RIMS1: variants seen among roughly 807,000 people sequenced by gnomAD.
RIMS1 encodes regulating synaptic membrane exocytosis protein 1.
Under a neutral mutation model 214.1 loss-of-function variants are expected in RIMS1, and 83 were observed. The observed-to-expected ratio is 0.39, with a 90% confidence interval of 0.32 to 0.47. RIMS1 has a LOEUF of 0.47. RIMS1 is among the 20% of genes least tolerant of loss of function. The pLI is 0.99. For synonymous variants in RIMS1, 793 were observed against 786.8 expected, an observed-to-expected ratio of 1.01 and a Z score of -0.13; for missense variants, 2,050 against 2,161.8, an observed-to-expected ratio of 0.95 and a Z score of 1.03.
intron 27 of RIMS1, among the ~76,000 whole-genome samples, chr6:72,311,814 A>C (rs2095526103): frequency 6.6e-6 from 1 of 152,136 alleles, no homozygotes; most frequent in Non-Finnish European, 1.5e-5. Flanking sequence ...CTACTAAAAT[A>C]CAAAAAACTA....
intron 4 of RIMS1, among the ~76,000 whole-genome samples, chr6:72,111,510 C>A (rs1211687183): frequency 6.6e-6 from 1 of 152,124 alleles, no homozygotes; most frequent in South Asian, 2.1e-4. Context: ...TCTTGTAATA[C>A]TGTATAATAT....
chr6:72,163,899 C>G (rs1273318253), intron 4 of RIMS1, among the ~76,000 whole-genome samples: 1 of 152,134 alleles, frequency 6.6e-6, no homozygotes, highest in African/African-American at 2.4e-5. Context: ...GCTGGGAGAA[C>G]CAATACTGTC....
At chr6:72,139,648 G>A (rs1307096574) in intron 4 of RIMS1, among the ~76,000 whole-genome samples, 5 of 152,070 alleles carry the variant, frequency 3.3e-5, no homozygotes, top group Non-Finnish European at 7.4e-5. Flanking sequence ...TATGTGGATG[G>A]ACTAAATTAT....
chr6:72,196,306 A>C (rs1258318916), intron 6 of RIMS1, among the ~76,000 whole-genome samples: 1 of 152,034 alleles, frequency 6.6e-6, no homozygotes, highest in Non-Finnish European at 1.5e-5. Context: ...TCTTCTAGCT[A>C]GTCAATTGAA....
chr6:72,204,201 G>A (rs2052519002), intron 6 of RIMS1, among the ~76,000 whole-genome samples: 1 of 152,196 alleles, frequency 6.6e-6, no homozygotes, highest in Non-Finnish European at 1.5e-5. Context: ...ATTTGGAACA[G>A]AAACTGAAAG....
In RIMS1 at chr6:72,398,357, A is replaced by G. The variant is rs1248653335; in HGVS notation, c.4720+7A>G. ...GGTTCCAAATCTACACCTGGTAAGG[A>G]GAAGTATTCCTGAATTTGGTGAAGG... On this transcript the variant is annotated splice_region_variant and intron_variant, in intron 32 of 33. Coordinates refer to ENST00000521978, the MANE Select transcript of RIMS1 (RefSeq NM_014989.7). 6.4e-7 allele frequency: 1 copy of G among 1,563,032 alleles called. No homozygotes were observed. The highest frequency in any genetic ancestry group is 1.8e-5 in the Admixed American group (1 of 56,132).
chr6:72,177,301 G>A (rs568157799), intron 4 of RIMS1, among the ~76,000 whole-genome samples: 6 of 152,234 alleles, frequency 3.9e-5, no homozygotes, highest in South Asian at 2.1e-4. Context: ...GTCCAGGCTG[G>A]AGAACAGTGG....
chr6:72,216,450 C>A, intron 6 of RIMS1: 2 of 985,450 alleles, frequency 2.0e-6, no homozygotes, highest in Non-Finnish European at 2.4e-6. Context: ...CCAGAAAAGC[C>A]TGAAGAAGCA....
intron 28 of RIMS1, among the ~76,000 whole-genome samples, chr6:72,321,742 G>A (rs1347560899): frequency 6.6e-6 from 1 of 151,836 alleles, no homozygotes; most frequent in Non-Finnish European, 1.5e-5. Context: ...TATACTGCAG[G>A]CCTTTGGAGG....
intron 4 of RIMS1, among the ~76,000 whole-genome samples, chr6:72,162,820 A>G (rs2153936746): frequency 7.2e-6 from 1 of 139,040 alleles, no homozygotes; most frequent in African/African-American, 2.5e-5. Context: ...TGCCCTTAAC[A>G]TTTTTTCCTT....
chr6:71,931,022 C>T (rs751455875), intron 1 of RIMS1, among the ~76,000 whole-genome samples: 1 of 152,020 alleles, frequency 6.6e-6, no homozygotes, highest in Non-Finnish European at 1.5e-5. Flanking sequence ...GTTTTTGACA[C>T]TTGGAATAGA....
intron 2 of RIMS1, among the ~76,000 whole-genome samples, chr6:72,041,623 T>A (rs1485955882): frequency 6.6e-6 from 1 of 151,936 alleles, no homozygotes; most frequent in African/African-American, 2.4e-5. Context: ...GTGGCCTCAC[T>A]CCCTCTTCCA....
At chr6:71,976,929 G>T (rs185295838) in intron 2 of RIMS1, among the ~76,000 whole-genome samples, 4 of 152,016 alleles carry the variant, frequency 2.6e-5, no homozygotes, top group African/African-American at 9.6e-5. Context: ...AGTGTGAATG[G>T]GTCTTTGATA....
intron 4 of RIMS1, among the ~76,000 whole-genome samples, chr6:72,127,313 T>A (rs1269552615): frequency 6.6e-6 from 1 of 152,224 alleles, no homozygotes; most frequent in East Asian, 1.9e-4. Flanking sequence ...GATGTTTTTT[T>A]TTTCCTCCTT....
intron 2 of RIMS1, among the ~76,000 whole-genome samples, chr6:72,055,393 A>G (rs2152194322): frequency 6.6e-6 from 1 of 152,312 alleles, no homozygotes; most frequent in East Asian, 1.9e-4. Context: ...TTTTCTTGTC[A>G]AAAGTCACAC....
chr6:72,381,781 T>A (rs576367593), intron 29 of RIMS1, among the ~76,000 whole-genome samples: 6 of 152,328 alleles, frequency 3.9e-5, no homozygotes, highest in African/African-American at 1.4e-4. Flanking sequence ...AATACCAGGT[T>A]TTTAATGAAA....
At chr6:72,100,102 G>A in intron 4 of RIMS1, 116 bp downstream of exon 4, 1 of 795,674 alleles carries the variant, frequency 1.3e-6, no homozygotes, top group South Asian at 1.7e-5. Flanking sequence ...TTATATACTA[G>A]GAAGAGCTCA....
chr6:72,191,779 C>T (rs2050107876), intron 6 of RIMS1, among the ~76,000 whole-genome samples: 1 of 152,148 alleles, frequency 6.6e-6, no homozygotes, highest in Non-Finnish European at 1.5e-5. Flanking sequence ...TTGGAGTCAC[C>T]ACAACTTGGT....
At chr6:72,168,298 T>C (rs755773047) in intron 4 of RIMS1, among the ~76,000 whole-genome samples, 18 of 152,346 alleles carry the variant, frequency 1.2e-4, no homozygotes, top group South Asian at 4.1e-4. Context: ...GCAAGTTTTA[T>C]AGCAAGAGTG....
Sources: gnomAD v4.1 joint callset for allele counts (sites outside exome capture counted in the v4.1 genomes callset) on GRCh38, gnomAD v4.1.1 for gene constraint, MANE v1.5 for transcripts, NCBI Gene and HGNC (gene_info 2026-07-23, HGNC 2026-07-21) for gene names.